The following FAM13C variants were observed in gnomAD, a reference collection of about 807,000 sequenced individuals.
FAM13C encodes family with sequence similarity 13 member C.
FAM13C carries 37 observed loss-of-function variants against 73.2 expected under a neutral mutation model. The observed-to-expected ratio is 0.51, with a 90% CI of 0.39 to 0.67. The LOEUF (loss-of-function observed/expected upper bound fraction) is 0.67, where lower values mean the gene tolerates loss of function less well. FAM13C is among the 30% of genes least tolerant of loss of function. The pLI is 0.00. For missense variants in FAM13C, 589 were observed against 715.6 expected (o/e 0.82, Z 2.02); for synonymous variants, 246 against 260.9 (o/e 0.94, Z 0.55).
At chr10:59,281,503 T>C (rs1342374458) in intron 6 of FAM13C, among the ~76,000 whole-genome samples, 1 of 152,184 alleles carries the variant, frequency 6.6e-6, no homozygotes, top group Non-Finnish European at 1.5e-5. Context: ...CTAGACTCTC[T>C]TGGGAGATCT....
At chr10:59,337,819 A>G (rs1852943914) in intron 3 of FAM13C, among the ~76,000 whole-genome samples, 1 of 151,650 alleles carries the variant, frequency 6.6e-6, no homozygotes, top group Non-Finnish European at 1.5e-5. Context: ...AGCTGGGATT[A>G]CAGGCACCTG....
chr10:59,297,729 C>G (rs1346416017), intron 5 of FAM13C, among the ~76,000 whole-genome samples: 1 of 152,128 alleles, frequency 6.6e-6, no homozygotes, highest in Non-Finnish European at 1.5e-5. Context: ...AGTCCCCATC[C>G]CCTCTATCTC....
At chr10:59,253,201 G>A (rs557850617) in intron 11 of FAM13C, among the ~76,000 whole-genome samples, 2 of 152,186 alleles carry the variant, frequency 1.3e-5, no homozygotes, top group Non-Finnish European at 2.9e-5. Flanking sequence ...TGAGCAAAAA[G>A]GCAGCAGTCA....
chr10:59,322,714 C>A (rs1272319578), intron 4 of FAM13C, among the ~76,000 whole-genome samples: 1 of 152,022 alleles, frequency 6.6e-6, no homozygotes, highest in Non-Finnish European at 1.5e-5. Context: ...TTGAAATATG[C>A]ATGGGAATAA....
chr10:59,264,462 A>G (rs1842823428), intron 8 of FAM13C, among the ~76,000 whole-genome samples: 1 of 152,122 alleles, frequency 6.6e-6, no homozygotes, highest in South Asian at 2.1e-4. Context: ...AGTCCTGGCC[A>G]TGCCAGTGCC....
intron 7 of FAM13C, among the ~76,000 whole-genome samples, chr10:59,269,402 G>A (rs949635937): frequency 7.1e-6 from 1 of 141,770 alleles, no homozygotes; most frequent in East Asian, 2.1e-4. Context: ...AATGTGTAGG[G>A]GGCAGGCATC....
chr10:59,265,330 G>GTGGGGC, intron 8 of FAM13C, among the ~76,000 whole-genome samples: 5 of 52,384 alleles, frequency 9.5e-5, no homozygotes, highest in African/African-American at 3.6e-4. Context: ...GGCGGGGGGG[G>GTGGGGC]GGGGGAATCC....
At chr10:59,259,715 ATACT>A (rs1274152832) in intron 10 of FAM13C, among the ~76,000 whole-genome samples, 1 of 152,190 alleles carries the variant, frequency 6.6e-6, no homozygotes, top group Non-Finnish European at 1.5e-5. Context: ...AAAATAATAG[ATACT>A]TCATTAAAAA....
chr10:59,291,379 T>C (rs952117402), intron 5 of FAM13C, among the ~76,000 whole-genome samples: 11 of 152,218 alleles, frequency 7.2e-5, no homozygotes, highest in African/African-American at 2.7e-4. Flanking sequence ...CGAATCCCTC[T>C]GAGGACAGCG....
intron 12 of FAM13C, 76 bp from the exon 13 acceptor site, chr10:59,251,752 CAGCCAAAAAAGCATCT>C: frequency 1.7e-6 from 2 of 1,152,632 alleles, no homozygotes; most frequent in Non-Finnish European, 2.5e-6. Context: ...TTTATCTGTT[CAGCCAAAAAAGCATCT>C]ATGATTGAAA....
At chr10:59,332,356 A>G (rs1355970397) in intron 3 of FAM13C, among the ~76,000 whole-genome samples, 1 of 152,046 alleles carries the variant, frequency 6.6e-6, no homozygotes, top group Non-Finnish European at 1.5e-5. Context: ...TGCTTTTATA[A>G]TCTAAAATAA....
At chr10:59,287,017 G>A (rs996666463) in intron 5 of FAM13C, among the ~76,000 whole-genome samples, 1 of 122,506 alleles carries the variant, frequency 8.2e-6, no homozygotes, top group African/African-American at 3.3e-5. Context: ...CTGGGCAATA[G>A]AGCGAGACTC....
At chr10:59,344,152 T>A (rs1186206464) in intron 3 of FAM13C, among the ~76,000 whole-genome samples, 1 of 149,310 alleles carries the variant, frequency 6.7e-6, no homozygotes, top group Admixed American at 6.7e-5. Context: ...TTAGTAGAGA[T>A]GGGGTTTCAC....
intron 3 of FAM13C, among the ~76,000 whole-genome samples, chr10:59,341,670 C>T (rs1159028375): frequency 6.6e-6 from 1 of 152,020 alleles, no homozygotes; most frequent in Non-Finnish European, 1.5e-5. Flanking sequence ...GCCTCGGCAA[C>T]AAGAGCAAAA....
intron 3 of FAM13C, among the ~76,000 whole-genome samples, chr10:59,331,379 G>T (rs867937184): frequency 6.6e-6 from 1 of 152,180 alleles, no homozygotes; most frequent in East Asian, 1.9e-4. Context: ...GTGTAAGTGA[G>T]AGCATGGAAT....
intron 4 of FAM13C, among the ~76,000 whole-genome samples, chr10:59,315,318 C>A (rs1373694717): frequency 1.3e-5 from 2 of 152,014 alleles, no homozygotes; most frequent in Non-Finnish European, 2.9e-5. Flanking sequence ...ATATATTAAG[C>A]AAAAATAAGA....
At chr10:59,347,384 A>G (rs1488950422) in intron 3 of FAM13C, among the ~76,000 whole-genome samples, 1 of 152,148 alleles carries the variant, frequency 6.6e-6, no homozygotes, top group East Asian at 1.9e-4. Flanking sequence ...GCTCAAACTA[A>G]AATTTGAATC....
In FAM13C at chr10:59,262,534, G is replaced by A. The variant is rs200879419; in HGVS notation, c.1136C>T (p.Ala379Val). 144 of 1,613,668 alleles carry A rather than the reference G, an allele frequency of 8.9e-5. No homozygotes were observed. Among genetic ancestry groups the A allele is most frequent in the Non-Finnish European group, 1.1e-4 (129 of 1,179,792 alleles). The part of the protein sequence containing the change: ...VPRENGKPEA[A>V]GPEPSSSGEE... ...TCCAGAGGAGCTTGGCTCCGGGCCC[G>A]CAGCTTCCGGTTTCCCATTTTCTCT... The change falls in exon 10 of 14, where the codon GCG (alanine) becomes GTG (valine). Residue 379 changes from alanine to valine, a missense_variant. Transcript: ENST00000618804.
At chr10:59,349,600 T>C (rs915967649) in intron 3 of FAM13C, among the ~76,000 whole-genome samples, 1 of 136,008 alleles carries the variant, frequency 7.4e-6, no homozygotes, top group Non-Finnish European at 1.6e-5. Context: ...CTACTAAAAA[T>C]ACAAAAAAAA....
Sources: allele counts gnomAD v4.1 joint callset (sites outside exome capture counted in the v4.1 genomes callset), GRCh38; gene constraint gnomAD v4.1.1; transcripts MANE v1.5; gene names NCBI Gene and HGNC (gene_info 2026-07-23, HGNC 2026-07-21).